ATRN: variants seen among roughly 807,000 people sequenced by gnomAD.
The protein encoded by ATRN is attractin-2.
In ATRN, 54 loss-of-function variants were observed where a neutral mutation model predicts 178.7. The observed-to-expected ratio is 0.30, with a 90% CI of 0.24 to 0.38. ATRN has a LOEUF of 0.38. Among genes scored for constraint, ATRN ranks in the 10% least tolerant of loss-of-function variants. The pLI is 1.00. For missense variants in ATRN, 1,443 were observed against 1,815.1 expected (o/e 0.79, Z 3.73); for synonymous variants, 636 against 663.0 (o/e 0.96, Z 0.63).
chr20:3,626,633 ACAAGAGTTAATATTACCAATACT>A (rs1359134014), intron 25 of ATRN, among the ~76,000 whole-genome samples: 7 of 152,214 alleles, frequency 4.6e-5, no homozygotes, highest in African/African-American at 1.7e-4. Flanking sequence ...TTCACTGAGA[ACAAGAGTTAATATTACCAATACT>A]CTAGAAGTTC....
Position 3,584,643 on chromosome 20 carries a change from A to T in ATRN, c.2951-4A>T, listed in dbSNP as rs1399264050. 1.1e-5 allele frequency: 17 copies of T among 1,585,150 alleles called. No individual in the cohort carries two copies. The Admixed American group carries it at 2.1e-4, about 19-fold the overall frequency. On this transcript the variant is annotated splice_region_variant and splice_polypyrimidine_tract_variant and intron_variant, in intron 17 of 28. Transcript: ENST00000262919. The stretch of plus-strand genomic sequence containing the variant: ...AGTCAATTGCAACTTTTTTTTTTTA[A>T]TAGCTGAAAATTGTTCAGGCTACTG...
chr20:3,576,890 A>G lies in ATRN; in HGVS notation c.2246A>G (p.Lys749Arg), dbSNP rs368649281. The G allele has an allele frequency of 1.9e-6, 3 of 1,613,998 alleles. No individual in the cohort carries two copies. Among genetic ancestry groups the G allele is most frequent in the African/African-American group, 2.7e-5 (2 of 74,926 alleles). The change falls in exon 14 of 29, where the codon AAG (lysine) becomes AGG (arginine). Residue 749 changes from lysine (K) to arginine (R), a missense_variant. Around this residue, in one of 4 missense-constraint regions of ATRN, gnomAD observed 862 missense variants for 972.1 expected, o/e 0.89. Coordinates refer to ENST00000262919, the MANE Select transcript of ATRN (RefSeq NM_139321.3). ...ISIFRYENCPKDNPMYYCNKK... is the reference protein window; with the variant it reads ...ISIFRYENCPRDNPMYYCNKK... ...ATTTTTAGGTATGAGAATTGCCCCA[A>G]GGATAACCCCATGTACTACTGTAAC...
At position 3,559,498 on chromosome 20, in the gene ATRN, C is replaced by G; in HGVS notation, c.1203+15C>G. 1 of 1,591,922 alleles carries G rather than the reference C, an allele frequency of 6.3e-7. No homozygotes were observed. Among genetic ancestry groups the G allele is most frequent in the Non-Finnish European group, 8.6e-7 (1 of 1,160,006 alleles). On this transcript the variant is annotated intron_variant, in intron 7 of 28. Coordinates refer to ENST00000262919, the MANE Select transcript of ATRN (RefSeq NM_139321.3). ...CATTATACAAGGTAAAGCATCTCCA[C>G]TCTGTGCTAAGCAAGAAACTAAGTT...
At chr20:3,564,869 T>C (rs1333649104) in intron 10 of ATRN, among the ~76,000 whole-genome samples, 1 of 152,028 alleles carries the variant, frequency 6.6e-6, no homozygotes, top group East Asian at 1.9e-4. Flanking sequence ...ATTGAGACTA[T>C]CCTGGCTAAC....
chr20:3,637,445 C>T (rs1401957886), intron 26 of ATRN, among the ~76,000 whole-genome samples: 1 of 152,110 alleles, frequency 6.6e-6, no homozygotes, highest in Non-Finnish European at 1.5e-5. Flanking sequence ...AATGGACCTA[C>T]AGCTTTAAAA....
chr20:3,495,194 A>C (rs934067493), intron 1 of ATRN, among the ~76,000 whole-genome samples: 7 of 152,120 alleles, frequency 4.6e-5, no homozygotes, highest in Non-Finnish European at 7.3e-5. Flanking sequence ...AAATTTTCTG[A>C]TAGAGACGAA....
intron 24 of ATRN, among the ~76,000 whole-genome samples, chr20:3,621,958 A>G (rs1461195988): frequency 1.3e-5 from 2 of 152,230 alleles, no homozygotes; most frequent in Non-Finnish European, 2.9e-5. Flanking sequence ...TTAAGTGCCA[A>G]TTAATGTATC....
chr20:3,619,512 A>G (rs1047451146), intron 24 of ATRN, among the ~76,000 whole-genome samples: 5 of 152,206 alleles, frequency 3.3e-5, no homozygotes, highest in African/African-American at 7.2e-5. Context: ...GTCATTCAGT[A>G]TTCATTCATT....
intron 23 of ATRN, among the ~76,000 whole-genome samples, chr20:3,602,842 A>C (rs1351479651): frequency 6.6e-6 from 1 of 151,796 alleles, no homozygotes; most frequent in Non-Finnish European, 1.5e-5. Flanking sequence ...GCGTGCCTGT[A>C]ATCCCAGCTA....
chr20:3,547,608 G>T, intron 5 of ATRN, 119 bp downstream of exon 5: 1 of 879,540 alleles, frequency 1.1e-6, no homozygotes, highest in Non-Finnish European at 1.7e-6. Flanking sequence ...ATACGAGGTA[G>T]CATTTAAGCT....
intron 1 of ATRN, among the ~76,000 whole-genome samples, chr20:3,491,228 A>G (rs968085108): frequency 1.3e-5 from 2 of 152,148 alleles, no homozygotes; most frequent in Admixed American, 6.6e-5. Context: ...TCATTTTACA[A>G]CAAAACTCCT....
At chr20:3,499,346 A>G (rs1471846906) in intron 1 of ATRN, among the ~76,000 whole-genome samples, 1 of 134,628 alleles carries the variant, frequency 7.4e-6, no homozygotes, top group Non-Finnish European at 1.6e-5. Context: ...TAAAGTTCAT[A>G]TGGAACCAAA....
At chr20:3,557,417 A>G (rs766108757) in intron 6 of ATRN, among the ~76,000 whole-genome samples, 14 of 152,216 alleles carry the variant, frequency 9.2e-5, no homozygotes, top group Non-Finnish European at 1.9e-4. Context: ...TCTGGAGGAA[A>G]AAAAGGATGG....
At chr20:3,488,015 A>G (rs2084720399) in intron 1 of ATRN, among the ~76,000 whole-genome samples, 1 of 152,112 alleles carries the variant, frequency 6.6e-6, no homozygotes, top group African/African-American at 2.4e-5. Context: ...AGATTATTTT[A>G]TAGAAGATGA....
Position 3,646,943 on chromosome 20 carries a change from C to A in ATRN, c.*96C>A. On this transcript the variant is annotated 3_prime_UTR_variant, in exon 29 of 29. Transcript: ENST00000262919. ...GTGGCGGGGAAATGGCTGTGCGGTG[C>A]GGGACGGAAGACTGGAAACCCTCAA... 1 of 1,476,012 alleles carries A rather than the reference C, an allele frequency of 6.8e-7. No homozygotes were observed. 91.4% of individuals were successfully genotyped at this position (1,476,012 alleles called of 1,614,324 possible). A position where few individuals can be genotyped will look rare whatever the true frequency, so the allele number is the denominator to read the frequency against.
intron 1 of ATRN, among the ~76,000 whole-genome samples, chr20:3,491,608 C>CT (rs577318211): frequency 4.2e-4 from 64 of 152,312 alleles, no homozygotes; most frequent in Non-Finnish European, 7.9e-4. Context: ...AGTCTGGGGA[C>CT]TTTGAATACT....
chr20:3,492,539 T>C (rs1423259856), intron 1 of ATRN, among the ~76,000 whole-genome samples: 5 of 151,988 alleles, frequency 3.3e-5, no homozygotes, highest in Non-Finnish European at 7.4e-5. Context: ...CCATGAATTG[T>C]TTTTGAGCTT....
Position 3,523,435 on chromosome 20 carries a change from G to A in ATRN, c.411-11818G>A, listed in dbSNP as rs185836462. On this transcript the variant is annotated intron_variant, in intron 1 of 28. Coordinates refer to ENST00000262919, the MANE Select transcript of ATRN (RefSeq NM_139321.3). The stretch of plus-strand genomic sequence containing the variant: ...GACTATGTGAAAAGACCAAACCTGC[G>A]TTTGATTGGTGTACCTGAAAGTGAT... 4.2e-3 allele frequency among the ~76,000 whole-genome samples: 641 copies of A among 152,178 alleles called. 4 individuals carry two copies. Among genetic ancestry groups the A allele is most frequent in the African/African-American group, 0.014 (602 of 41,520 alleles).
At chr20:3,597,412 C>G (rs1044464110) in intron 21 of ATRN, among the ~76,000 whole-genome samples, 1 of 152,114 alleles carries the variant, frequency 6.6e-6, no homozygotes, top group African/African-American at 2.4e-5. Flanking sequence ...ACATTAAAAA[C>G]GACTTAACAT....
Sources: gnomAD v4.1 joint callset for allele counts (sites outside exome capture counted in the v4.1 genomes callset) on GRCh38, gnomAD v4.1.1 for gene constraint, gnomAD v4.1.1 regional missense constraint, MANE v1.5 for transcripts, NCBI Gene and HGNC (gene_info 2026-07-23, HGNC 2026-07-21) for gene names.